The following MAPRE3 variants were observed in gnomAD, a reference collection of about 807,000 sequenced individuals.
The protein encoded by MAPRE3 is microtubule associated protein RP/EB family member 3, also known as microtubule-associated protein RP/EB family member 3.
In MAPRE3, 2 loss-of-function variants were observed where a neutral mutation model predicts 30.5. The ratio of observed to expected loss-of-function variants is 0.07; its 90% CI spans 0.03 to 0.21. The LOEUF (loss-of-function observed/expected upper bound fraction) is 0.21, where lower values mean the gene tolerates loss of function less well. Ranked by LOEUF, MAPRE3 falls within the 10% of genes least tolerant of loss-of-function variation. The pLI is 1.00. For missense variants in MAPRE3, 204 were observed against 351.8 expected (o/e 0.58, Z 3.36); for synonymous variants, 110 against 127.7 (o/e 0.86, Z 0.93).
At chr2:27,016,626 C>T (rs932262690) in intron 1 of MAPRE3, among the ~76,000 whole-genome samples, 13 of 152,000 alleles carry the variant, frequency 8.6e-5, no homozygotes, top group Non-Finnish European at 1.6e-4. Context: ...CCTCATGATC[C>T]GCCCACCTCG....
In MAPRE3 at chr2:26,998,318, C is replaced by T. The variant is rs1048373158; in HGVS notation, c.-7-23894C>T. Among the ~76,000 whole-genome samples the T allele has an allele frequency of 2.6e-5, 4 of 152,336 alleles. No individual in the cohort carries two copies. The East Asian group carries it at 7.7e-4, about 29-fold the overall frequency. The stretch of plus-strand genomic sequence containing the variant: ...GATTGGAGCATATCCACTCCACTCA[C>T]TGTCATGGTCTTTCTCTTTAAACAG... On this transcript the variant is annotated intron_variant, in intron 1 of 6. Coordinates refer to ENST00000233121, the MANE Select transcript of MAPRE3 (RefSeq NM_012326.4).
chr2:26,992,260 C>G (rs1433611157), intron 1 of MAPRE3, among the ~76,000 whole-genome samples: 1 of 147,158 alleles, frequency 6.8e-6, no homozygotes, highest in East Asian at 2.0e-4. Context: ...GAGTTTCGCT[C>G]TTGTTGCCCA....
intron 1 of MAPRE3, among the ~76,000 whole-genome samples, chr2:26,996,365 C>T (rs777282857): frequency 2.6e-5 from 4 of 151,890 alleles, no homozygotes; most frequent in Non-Finnish European, 4.4e-5. Flanking sequence ...CTATGTTGCC[C>T]ACACTGGTCT....
intron 1 of MAPRE3, among the ~76,000 whole-genome samples, chr2:27,021,341 G>A (rs1350390775): frequency 3.3e-5 from 5 of 152,196 alleles, no homozygotes; most frequent in Non-Finnish European, 7.3e-5. Context: ...GTGCATGAGG[G>A]AGAGTAAGCT....
At chr2:27,002,272 T>C (rs1666616956) in intron 1 of MAPRE3, 1 of 152,222 alleles carries the variant, frequency 6.6e-6, no homozygotes, top group Admixed American at 6.5e-5. Flanking sequence ...AATTCATTGT[T>C]GGACATTTCG....
intron 1 of MAPRE3, among the ~76,000 whole-genome samples, chr2:26,974,524 G>A (rs1277213273): frequency 6.6e-6 from 1 of 152,202 alleles, no homozygotes. Flanking sequence ...CTGAGAGGAG[G>A]AGCGTGCACA....
chr2:26,986,801 A>G lies in MAPRE3; in HGVS notation c.-8+15999A>G, dbSNP rs1297308238. 6.6e-6 allele frequency: 1 copy of G among 152,286 alleles called. No homozygotes were observed. Among genetic ancestry groups the G allele is most frequent in the Non-Finnish European group, 1.5e-5 (1 of 68,104 alleles). 9.4% of individuals were successfully genotyped at this position (152,286 alleles called of 1,614,324 possible). On this transcript the variant is annotated intron_variant, in intron 1 of 6. Transcript: ENST00000233121. The surrounding 1 kb of genome is among the most constrained non-coding windows in gnomAD (Gnocchi z 4.2). ...GAAGATCCAGAGGATGAATCACAGC[A>G]GTAGACATGGTATGGGGATTAGAGG...
chr2:27,024,720 G>A (rs1667196846), intron 4 of MAPRE3, among the ~76,000 whole-genome samples: 1 of 152,148 alleles, frequency 6.6e-6, no homozygotes, highest in Admixed American at 6.5e-5. Context: ...TGCCAAGCTG[G>A]ATCACACCTT....
rs1314242550 is a variant in MAPRE3, at chr2:27,025,755, G to A, written c.624+18G>A. 2.5e-6 allele frequency: 4 copies of A among 1,614,172 alleles called. No individual in the cohort carries two copies. The South Asian group carries it at 4.4e-5, about 18-fold the overall frequency. On this transcript the variant is annotated intron_variant, in intron 5 of 6. Transcript: ENST00000233121. ...ACCAACAGGTGAGTGGGATGGGTAA[G>A]GGTAGCTGAGATAGCCCTGTCACCA... is the stretch of plus-strand genomic sequence containing the variant.
intron 1 of MAPRE3, among the ~76,000 whole-genome samples, chr2:27,009,047 T>TG (rs746701327): frequency 1.6e-5 from 2 of 127,512 alleles, no homozygotes; most frequent in South Asian, 5.7e-4. Context: ...GGGATAGGGT[T>TG]GGGGGGGAGG....
intron 1 of MAPRE3, among the ~76,000 whole-genome samples, chr2:27,000,399 C>T (rs1191241911): frequency 6.6e-6 from 1 of 151,954 alleles, no homozygotes; most frequent in Admixed American, 6.5e-5. Flanking sequence ...TGTGGAGGCC[C>T]AGAATGTTCT....
At chr2:27,024,621 T>C (rs1667194413) in intron 4 of MAPRE3, among the ~76,000 whole-genome samples, 1 of 152,214 alleles carries the variant, frequency 6.6e-6, no homozygotes, top group South Asian at 2.1e-4. Context: ...GCTTGGTTTC[T>C]CCATCCAGGT....
At chr2:26,988,182 A>G (rs954809723) in intron 1 of MAPRE3, among the ~76,000 whole-genome samples, 5 of 152,168 alleles carry the variant, frequency 3.3e-5, no homozygotes, top group African/African-American at 1.2e-4. Context: ...AAGTGATACC[A>G]TTGTCTTCAT....
At chr2:27,014,027 A>C (rs1666923817) in intron 1 of MAPRE3, 1 of 152,214 alleles carries the variant, frequency 6.6e-6, no homozygotes, top group Non-Finnish European at 1.5e-5. Flanking sequence ...CCTGTAGCCA[A>C]GTCACACTGT....
At chr2:27,020,584 C>T (rs924709095) in intron 1 of MAPRE3, among the ~76,000 whole-genome samples, 11 of 152,338 alleles carry the variant, frequency 7.2e-5, no homozygotes, top group East Asian at 3.9e-4. Flanking sequence ...CTGCTGGTTT[C>T]AGTGCGGGAG....
At position 27,023,260 on chromosome 2, in the gene MAPRE3, T is replaced by C. The variant is rs996209240; in HGVS notation, c.122-72T>C. 3.3e-6 allele frequency: 5 copies of C among 1,510,552 alleles called. No individual in the cohort carries two copies. The African/African-American group carries it at 6.9e-5, about 21-fold the overall frequency. 93.6% of individuals were successfully genotyped at this position (1,510,552 alleles called of 1,614,324 possible). A position where few individuals can be genotyped will look rare whatever the true frequency, so the allele number is the denominator to read the frequency against. On this transcript the variant is annotated intron_variant, in intron 2 of 6. Coordinates refer to ENST00000233121, the MANE Select transcript of MAPRE3 (RefSeq NM_012326.4). The stretch of plus-strand genomic sequence containing the variant: ...AGGAGAGAGAAGAGGAGACGGGGTT[T>C]GGGGAAGTGAGAGAGAGCAGCTCAC...
intron 1 of MAPRE3, among the ~76,000 whole-genome samples, chr2:26,982,752 CAG>C (rs1026634365): frequency 6.6e-6 from 1 of 152,216 alleles, no homozygotes; most frequent in Admixed American, 6.5e-5. Context: ...CTTCATGAGG[CAG>C]GGACCATGTG....
chr2:27,024,829 A>G (rs1384048170), intron 4 of MAPRE3, among the ~76,000 whole-genome samples: 1 of 152,126 alleles, frequency 6.6e-6, no homozygotes, highest in Admixed American at 6.5e-5. Flanking sequence ...GAAAAGCAAT[A>G]GGGCCTTTGG....
At chr2:26,976,745 G>A (rs1251074705) in intron 1 of MAPRE3, among the ~76,000 whole-genome samples, 1 of 152,208 alleles carries the variant, frequency 6.6e-6, no homozygotes, top group African/African-American at 2.4e-5. Flanking sequence ...AGATATAGGA[G>A]ATACATACCA....
Sources: allele counts gnomAD v4.1 joint callset (sites outside exome capture counted in the v4.1 genomes callset), GRCh38; gene constraint gnomAD v4.1.1; non-coding constraint Gnocchi (gnomAD v3.1); transcripts MANE v1.5; gene names NCBI Gene and HGNC (gene_info 2026-07-23, HGNC 2026-07-21).